Variants in C10orf90 observed in about 807,000 individuals in gnomAD.
The protein encoded by C10orf90 is (E2-independent) E3 ubiquitin-conjugating enzyme FATS.
C10orf90 carries 56 observed loss-of-function variants against 62.5 expected under a neutral mutation model. That is an observed-to-expected ratio of 0.90 (90% CI 0.72 to 1.12). C10orf90 has a LOEUF of 1.12. Among genes scored for constraint, C10orf90 ranks in the 50% most tolerant of loss-of-function variants. C10orf90 has a pLI of 0.00. For missense variants in C10orf90, 970 were observed against 880.4 expected, an observed-to-expected ratio of 1.10 and a Z score of -1.29; for synonymous variants, 386 against 340.4, an observed-to-expected ratio of 1.13 and a Z score of -1.47.
rs756526430 is a variant in C10orf90 at position 126,504,014 on chromosome 10, C to T, written c.1477G>A (p.Ala493Thr). The T allele has an allele frequency of 1.9e-5, 31 of 1,613,682 alleles. No homozygotes were observed. The highest frequency in any genetic ancestry group is 1.7e-4 in the Middle Eastern group (1 of 5,852). The change falls in exon 4 of 10, where the codon GCC becomes ACC. Residue 493 changes from alanine to threonine, a missense_variant. By Grantham distance (58) the Ala-to-Thr change is moderately conservative. Coordinates refer to ENST00000488181, the MANE Select transcript of C10orf90 (RefSeq NM_001350921.2). This position sits in a 1 kb window ranked among gnomAD's most constrained non-coding sequence, Gnocchi z 4.1. ...GACAGTTGGTTGGCATGATCGCTGG[C>T]GTGACAATGAGTTGTATGGTCCTTT... ...GEKDHTTHCH[A>T]SDHANQLSIH...
chr10:126,592,332 G>T (rs1844997734), intron 2 of C10orf90, among the ~76,000 whole-genome samples: 2 of 152,012 alleles, frequency 1.3e-5, no homozygotes, highest in Admixed American at 6.6e-5. Flanking sequence ...CATGGTACTG[G>T]TACAAAAACA....
intron 2 of C10orf90, among the ~76,000 whole-genome samples, chr10:126,602,437 C>T (rs1845215676): frequency 6.6e-6 from 1 of 152,140 alleles, no homozygotes; most frequent in Non-Finnish European, 1.5e-5. Context: ...AGAAACCCTC[C>T]AAGATGACCT....
intron 2 of C10orf90, among the ~76,000 whole-genome samples, chr10:126,560,225 G>A (rs2133986862): frequency 6.6e-6 from 1 of 152,182 alleles, no homozygotes; most frequent in South Asian, 2.1e-4. Context: ...TTTGTAAGTG[G>A]GTAAGACTCA....
intron 2 of C10orf90, among the ~76,000 whole-genome samples, chr10:126,575,845 G>A (rs1480963195): frequency 6.6e-6 from 1 of 151,974 alleles, no homozygotes; most frequent in Non-Finnish European, 1.5e-5. Flanking sequence ...TCAATATATA[G>A]TGCTGGAAAA....
chr10:126,565,157 T>TAATATTATATTACATATTATGTAATATA (rs1554917204), intron 2 of C10orf90, among the ~76,000 whole-genome samples: 3 of 60,610 alleles, frequency 4.9e-5, no homozygotes, highest in African/African-American at 1.7e-4. Flanking sequence ...ATATGTAATA[T>TAATATTATATTACATATTATGTAATATA]AATATTTATA....
intron 6 of C10orf90, among the ~76,000 whole-genome samples, chr10:126,460,711 G>T (rs1469303110): frequency 6.6e-6 from 1 of 151,936 alleles, no homozygotes; most frequent in Non-Finnish European, 1.5e-5. Context: ...CCTCACCCAG[G>T]TCCCACCGAG....
intron 2 of C10orf90, among the ~76,000 whole-genome samples, chr10:126,556,302 A>G (rs769638875): frequency 3.9e-5 from 6 of 152,314 alleles, no homozygotes; most frequent in Middle Eastern, 3.4e-3. Flanking sequence ...AAGAAGCGAG[A>G]TGGGAGGAGA....
chr10:126,490,007 T>TG (rs1393004278), intron 4 of C10orf90, among the ~76,000 whole-genome samples: 1 of 81,960 alleles, frequency 1.2e-5, no homozygotes, highest in African/African-American at 5.3e-5. Flanking sequence ...TTATATATTA[T>TG]ATATATTATA....
intron 2 of C10orf90, among the ~76,000 whole-genome samples, chr10:126,587,406 T>C (rs1844895092): frequency 6.6e-6 from 1 of 152,192 alleles, no homozygotes; most frequent in South Asian, 2.1e-4. Flanking sequence ...ACATTCTTGG[T>C]TTCTGGTGAG....
intron 8 of C10orf90, among the ~76,000 whole-genome samples, chr10:126,428,996 TG>T (rs1202479103): frequency 5.3e-5 from 8 of 152,258 alleles, no homozygotes; most frequent in African/African-American, 1.9e-4. Context: ...ATGCCTGAAG[TG>T]GGGAGAAAAG....
chr10:126,649,075 C>CA (rs371600767), intron 1 of C10orf90, among the ~76,000 whole-genome samples: 3 of 34,670 alleles, frequency 8.7e-5, no homozygotes, highest in African/African-American at 2.0e-4. Flanking sequence ...TCTCTCTCCC[C>CA]CCCCCCCAGC....
At chr10:126,622,579 T>G (rs951968347) in intron 2 of C10orf90, among the ~76,000 whole-genome samples, 24 of 152,222 alleles carry the variant, frequency 1.6e-4, no homozygotes, top group African/African-American at 5.8e-4. Flanking sequence ...TCCCTGCCAC[T>G]ACAAAGAAGT....
intron 2 of C10orf90, among the ~76,000 whole-genome samples, chr10:126,544,738 G>T (rs748581879): frequency 6.6e-6 from 1 of 152,104 alleles, no homozygotes; most frequent in Non-Finnish European, 1.5e-5. Context: ...GTGAATAATC[G>T]CATAATTCAT....
At chr10:126,640,475 C>T (rs1427219694) in intron 2 of C10orf90, among the ~76,000 whole-genome samples, 1 of 152,172 alleles carries the variant, frequency 6.6e-6, no homozygotes, top group Non-Finnish European at 1.5e-5. Context: ...CTTCTCCCTG[C>T]TGATCCCTGA....
intron 1 of C10orf90, among the ~76,000 whole-genome samples, chr10:126,650,530 T>C (rs770533982): frequency 6.6e-6 from 1 of 152,102 alleles, no homozygotes; most frequent in Non-Finnish European, 1.5e-5. Flanking sequence ...GTAAGTAACT[T>C]GCCCAAAGTC....
chr10:126,448,762 C>T (rs562028754), intron 7 of C10orf90, among the ~76,000 whole-genome samples: 6 of 152,110 alleles, frequency 3.9e-5, no homozygotes, highest in Admixed American at 1.3e-4. Flanking sequence ...AATTATACAC[C>T]TACAAATTGG....
intron 1 of C10orf90, among the ~76,000 whole-genome samples, chr10:126,660,283 A>G (rs1398033853): frequency 6.6e-6 from 1 of 152,256 alleles, no homozygotes; most frequent in Non-Finnish European, 1.5e-5. Flanking sequence ...GCTACTAATC[A>G]GTTGACATTG....
At chr10:126,551,954 C>T (rs1391989886) in intron 2 of C10orf90, among the ~76,000 whole-genome samples, 3 of 152,158 alleles carry the variant, frequency 2.0e-5, no homozygotes, top group African/African-American at 7.2e-5. Context: ...GTTACTCCTC[C>T]CATTTTCCAG....
chr10:126,426,757 T>C (rs570823211), intron 8 of C10orf90, among the ~76,000 whole-genome samples: 1 of 152,306 alleles, frequency 6.6e-6, no homozygotes, highest in Non-Finnish European at 1.5e-5. Context: ...TTTGGATTGC[T>C]GTACGTGTGG....
Sources: allele counts gnomAD v4.1 joint callset (sites outside exome capture counted in the v4.1 genomes callset), GRCh38; gene constraint gnomAD v4.1.1; non-coding constraint Gnocchi (gnomAD v3.1); transcripts MANE v1.5; gene names NCBI Gene and HGNC (gene_info 2026-07-23, HGNC 2026-07-21).